RARB: variants seen among roughly 807,000 people sequenced by gnomAD.
RARB encodes retinoic acid receptor beta, also known as HBV-activated protein.
A neutral mutation model predicts 51.9 loss-of-function variants in RARB; 17 were observed. The ratio of observed to expected loss-of-function variants is 0.33; its 90% CI spans 0.22 to 0.49. RARB has a LOEUF of 0.49. RARB is among the 20% of genes least tolerant of loss of function. The probability of loss-of-function intolerance (pLI) is 0.99; values close to 1 mark genes in which losing one functional copy is unlikely to be tolerated. For synonymous variants in RARB, 215 were observed against 195.4 expected (o/e 1.10, Z -0.84); for missense variants, 369 against 550.8 (o/e 0.67, Z 3.30).
chr3:24,936,996 T>C (rs758473377), intron 2 of RARB, among the ~76,000 whole-genome samples: 1 of 152,218 alleles, frequency 6.6e-6, no homozygotes, highest in African/African-American at 2.4e-5. Flanking sequence ...GCCAGTCATA[T>C]ATGACTGTTG....
At chr3:25,421,247 C>T (rs949835274) in intron 5 of RARB, among the ~76,000 whole-genome samples, 1 of 151,914 alleles carries the variant, frequency 6.6e-6, no homozygotes, top group African/African-American at 2.4e-5. Flanking sequence ...CAGCCCCTAC[C>T]CCCTCCACCT....
intron 1 of RARB, among the ~76,000 whole-genome samples, chr3:24,843,514 C>T (rs1702444946): frequency 6.6e-6 from 1 of 152,128 alleles, no homozygotes; most frequent in South Asian, 2.1e-4. Context: ...ATTCTGGGTC[C>T]ATTTTAAAGT....
At chr3:25,213,172 CA>C (rs1559508298) in intron 5 of RARB, among the ~76,000 whole-genome samples, 1 of 151,884 alleles carries the variant, frequency 6.6e-6, no homozygotes, top group African/African-American at 2.4e-5. Context: ...ATGCTTGGGT[CA>C]AAAAAGAGAA....
chr3:25,356,747 G>A (rs754797439), intron 5 of RARB, among the ~76,000 whole-genome samples: 1 of 152,042 alleles, frequency 6.6e-6, no homozygotes, highest in Non-Finnish European at 1.5e-5. Flanking sequence ...TCCTAATTAT[G>A]AGTGAGAATA....
At chr3:25,146,137 CT>C (rs1700185150) in intron 4 of RARB, among the ~76,000 whole-genome samples, 2 of 152,164 alleles carry the variant, frequency 1.3e-5, no homozygotes, top group Admixed American at 1.3e-4. Flanking sequence ...TTCTTGACCT[CT>C]CAGATATTTG....
At chr3:25,080,645 T>C (rs1331377443) in intron 3 of RARB, among the ~76,000 whole-genome samples, 2 of 152,208 alleles carry the variant, frequency 1.3e-5, no homozygotes, top group Non-Finnish European at 2.9e-5. Flanking sequence ...AGGTTTTTAT[T>C]TCCATTTCCC....
intron 5 of RARB, among the ~76,000 whole-genome samples, chr3:25,590,389 G>A (rs1317257488): frequency 6.6e-6 from 1 of 152,108 alleles, no homozygotes; most frequent in Non-Finnish European, 1.5e-5. Flanking sequence ...TTTTGCAGGG[G>A]ACAGATCTCA....
intron 3 of RARB, among the ~76,000 whole-genome samples, chr3:25,110,114 C>T (rs924461698): frequency 6.6e-6 from 1 of 152,120 alleles, no homozygotes; most frequent in Non-Finnish European, 1.5e-5. Flanking sequence ...CTGACTGAAA[C>T]GTTCATACCA....
At chr3:25,424,944 G>A (rs1056836385), upstream of RARB, among the ~76,000 whole-genome samples, 10 of 152,276 alleles carry the variant, frequency 6.6e-5, no homozygotes, top group East Asian at 3.9e-4. Context: ...ATGATTATGG[G>A]TTTCAAATGT....
At chr3:25,299,281 C>T (rs760327093) in intron 5 of RARB, among the ~76,000 whole-genome samples, 8 of 152,080 alleles carry the variant, frequency 5.3e-5, no homozygotes, top group Non-Finnish European at 8.8e-5. Flanking sequence ...ACTGCAGCCT[C>T]GACATTTTCA....
At chr3:24,986,257 G>T (rs1269591289) in intron 2 of RARB, among the ~76,000 whole-genome samples, 1 of 152,142 alleles carries the variant, frequency 6.6e-6, no homozygotes, top group Non-Finnish European at 1.5e-5. Flanking sequence ...ACATGTTCAA[G>T]TAATAAATAT....
At chr3:24,852,018 T>A (rs997559295) in intron 1 of RARB, among the ~76,000 whole-genome samples, 4 of 152,234 alleles carry the variant, frequency 2.6e-5, no homozygotes, top group Admixed American at 2.0e-4. Context: ...ACTCTTGCAT[T>A]TACGTTTTGT....
intron 5 of RARB, among the ~76,000 whole-genome samples, chr3:25,269,054 A>G (rs1373296155): frequency 6.6e-6 from 1 of 152,222 alleles, no homozygotes; most frequent in Non-Finnish European, 1.5e-5. Flanking sequence ...AGAATGTTGA[A>G]TACCAAAAGT....
intron 3 of RARB, among the ~76,000 whole-genome samples, chr3:25,525,118 T>A (rs79151320): frequency 6.6e-6 from 1 of 152,206 alleles, no homozygotes; most frequent in Non-Finnish European, 1.5e-5. Context: ...GTGTACCTCA[T>A]AACATTATAA....
chr3:25,466,939 C>T (rs767780786), intron 2 of RARB, among the ~76,000 whole-genome samples: 6 of 152,190 alleles, frequency 3.9e-5, no homozygotes, highest in Non-Finnish European at 7.4e-5. Context: ...AGCTGGTGCC[C>T]CAAAGCTCTC....
intron 5 of RARB, among the ~76,000 whole-genome samples, chr3:25,268,264 G>C (rs1053227499): frequency 6.6e-6 from 1 of 151,890 alleles, no homozygotes; most frequent in Non-Finnish European, 1.5e-5. Context: ...CCATTGAAGG[G>C]CTGGTTCATT....
At chr3:25,595,371 G>C (rs1410525381) in intron 7 of RARB, among the ~76,000 whole-genome samples, 7 of 152,134 alleles carry the variant, frequency 4.6e-5, no homozygotes, top group African/African-American at 1.7e-4. Context: ...AATAAACTCT[G>C]TATTTCAGAA....
intron 2 of RARB, among the ~76,000 whole-genome samples, chr3:25,054,611 T>G (rs2125301201): frequency 6.6e-6 from 1 of 152,204 alleles, no homozygotes; most frequent in Admixed American, 6.5e-5. Flanking sequence ...TTCCTAGCAC[T>G]TGCCCCTGAG....
At chr3:25,074,314 A>C (rs1698827982) in intron 3 of RARB, among the ~76,000 whole-genome samples, 1 of 152,234 alleles carries the variant, frequency 6.6e-6, no homozygotes, top group Admixed American at 6.5e-5. Context: ...GGTGGCTAAA[A>C]ATAGCATCTG....
Sources: allele counts gnomAD v4.1 joint callset (sites outside exome capture counted in the v4.1 genomes callset), GRCh38; gene constraint gnomAD v4.1.1; transcripts MANE v1.5; gene names NCBI Gene and HGNC (gene_info 2026-07-23, HGNC 2026-07-21).